Variants in GABRA2 observed in about 807,000 individuals in gnomAD.
GABRA2 encodes gamma-aminobutyric acid type A receptor subunit alpha2, also known as gamma-aminobutyric acid receptor subunit alpha-2.
Under a neutral mutation model 48.7 loss-of-function variants are expected in GABRA2, and 16 were observed. The observed-to-expected ratio is 0.33, with a 90% CI of 0.22 to 0.50. The LOEUF is 0.50. Ranked by LOEUF, GABRA2 falls within the 20% of genes least tolerant of loss-of-function variation. The pLI is 0.98. For missense variants in GABRA2, 275 were observed against 535.6 expected (o/e 0.51, Z 4.80); for synonymous variants, 185 against 184.5 (o/e 1.00, Z -0.02).
At chr4:46,315,139 G>GTTTT (rs35565335) in intron 4 of GABRA2, among the ~76,000 whole-genome samples, 2 of 140,712 alleles carry the variant, frequency 1.4e-5, no homozygotes, top group Admixed American at 7.1e-5. Flanking sequence ...GTCTGCATCT[G>GTTTT]TTTTTTTTTT....
At chr4:46,375,852 T>C (rs1400978416) in intron 3 of GABRA2, among the ~76,000 whole-genome samples, 3 of 152,218 alleles carry the variant, frequency 2.0e-5, no homozygotes, top group Non-Finnish European at 4.4e-5. Context: ...TTTAAAATAG[T>C]ACCCGGCAAA....
intron 9 of GABRA2, among the ~76,000 whole-genome samples, chr4:46,251,692 C>T (rs1256855064): frequency 1.3e-5 from 2 of 151,392 alleles, no homozygotes; most frequent in Admixed American, 6.6e-5. Context: ...TCATTCATAA[C>T]ACTCTAATTT....
chr4:46,380,635 T>C (rs1424480765), intron 3 of GABRA2, among the ~76,000 whole-genome samples: 1 of 152,074 alleles, frequency 6.6e-6, no homozygotes, highest in Non-Finnish European at 1.5e-5. Flanking sequence ...CAAGGAGAGG[T>C]TGAGCAATGT....
intron 8 of GABRA2, among the ~76,000 whole-genome samples, chr4:46,292,885 C>T (rs1307397727): frequency 6.6e-6 from 1 of 152,148 alleles, no homozygotes; most frequent in Non-Finnish European, 1.5e-5. Flanking sequence ...CCTGTAATTG[C>T]TCTTCTCTGT....
At chr4:46,370,145 A>G (rs185534866) in intron 3 of GABRA2, among the ~76,000 whole-genome samples, 2 of 152,184 alleles carry the variant, frequency 1.3e-5, no homozygotes, top group Non-Finnish European at 2.9e-5. Flanking sequence ...GTAGTGGATA[A>G]TCATAGAAAG....
intron 3 of GABRA2, among the ~76,000 whole-genome samples, chr4:46,382,749 C>T (rs1716934216): frequency 6.6e-6 from 1 of 152,060 alleles, no homozygotes; most frequent in Non-Finnish European, 1.5e-5. Context: ...AGAAAATATC[C>T]AGGCTCAAAA....
At chr4:46,339,201 C>T (rs1560548398) in intron 3 of GABRA2, among the ~76,000 whole-genome samples, 1 of 151,632 alleles carries the variant, frequency 6.6e-6, no homozygotes, top group African/African-American at 2.4e-5. Context: ...CACATGTGGC[C>T]ATTTAAATTA....
chr4:46,250,521 A>T lies in GABRA2; in HGVS notation c.1143T>A (p.Asp381Glu). 4 of 1,611,798 alleles carry T rather than the reference A, an allele frequency of 2.5e-6. No homozygotes were observed. Among genetic ancestry groups the T allele is most frequent in the Non-Finnish European group, 3.4e-6 (4 of 1,178,552 alleles). Residue 381 changes from aspartate to glutamate, a missense_variant, in exon 10 of 10, where the codon GAT becomes GAA. Physicochemically the swap from Asp to Glu is conservative, Grantham distance 45. This residue lies in a region of GABRA2 where 99 missense variants were observed against 124.3 expected (regional missense o/e 0.80). Transcript: ENST00000381620. ...VANYAPNLSK[D>E]PVLSTISKSA... ...TCTTGGAGATGGTGGAGAGAACTGGATCTTTTGAAAGATTCGGGGCATAAT... is the reference window on the plus strand; with the variant it reads ...TCTTGGAGATGGTGGAGAGAACTGGTTCTTTTGAAAGATTCGGGGCATAAT...
In GABRA2 at chr4:46,303,417, A is replaced by G. The variant is rs146105426; in HGVS notation, c.856+43T>C. ...GAGATAATGTTTTTGAAAGTATGCTATGAAACATAATGTGCTGTACTGCAA... is the reference window on the plus strand; with the variant it reads ...GAGATAATGTTTTTGAAAGTATGCTGTGAAACATAATGTGCTGTACTGCAA... On this transcript the variant is annotated intron_variant, in intron 8 of 9. Transcript: ENST00000381620. 4.0e-4 allele frequency: 614 copies of G among 1,533,026 alleles called. 2 individuals carry two copies. In the African/African-American group the frequency reaches 6.9e-3, roughly 17 times the overall value. 95.0% of individuals were successfully genotyped at this position (1,533,026 alleles called of 1,614,324 possible). A position where few individuals can be genotyped will look rare whatever the true frequency, so the allele number is the denominator to read the frequency against.
At chr4:46,335,544 G>C (rs1732079933) in intron 3 of GABRA2, among the ~76,000 whole-genome samples, 1 of 152,116 alleles carries the variant, frequency 6.6e-6, no homozygotes, top group Non-Finnish European at 1.5e-5. Flanking sequence ...TGCGATCTCA[G>C]CTCACCGCAA....
rs550993160 is a variant in GABRA2 at position 46,261,832 on chromosome 4, T to G, written c.1059+94A>C. On this transcript the variant is annotated intron_variant, in intron 9 of 9. Transcript: ENST00000381620. ...TGATTCAAATTCATATATATATGGA[T>G]GTCTTTAATGTCAGTTTTTAGAAAC... 11 of 958,974 alleles carry G rather than the reference T, an allele frequency of 1.1e-5. No homozygotes were observed. In the East Asian group the frequency reaches 1.5e-4, roughly 13 times the overall value. The allele number at this position is 958,974 out of a possible 1,614,324, so 59.4% of individuals were successfully genotyped here.
intron 3 of GABRA2, among the ~76,000 whole-genome samples, chr4:46,334,485 T>C (rs536328795): frequency 6.6e-6 from 1 of 152,304 alleles, no homozygotes; most frequent in East Asian, 1.9e-4. Flanking sequence ...AATTAAAATG[T>C]GAAGGTAGCT....
rs1718001547 is a variant in GABRA2 at position 46,389,829 on chromosome 4, G to GAC, written c.-106_-105insGT. The GAC allele has an allele frequency of 1.0e-6, 1 of 959,806 alleles. No individual in the cohort carries two copies. The highest frequency in any genetic ancestry group is 6.9e-5 in the Admixed American group (1 of 14,414). The allele number at this position is 959,806 out of a possible 1,614,324, so 59.5% of individuals were successfully genotyped here. A position where few individuals can be genotyped will look rare whatever the true frequency, so the allele number is the denominator to read the frequency against. ...AGAGAGAGAGAGAGAGAGAGAGAGA[G>GAC]AGAGAGAGAGAGAGAGAGAGAGAGA... On this transcript the variant is annotated 5_prime_UTR_variant, in exon 1 of 10. Coordinates refer to ENST00000381620, the MANE Select transcript of GABRA2 (RefSeq NM_000807.4).
intron 3 of GABRA2, among the ~76,000 whole-genome samples, chr4:46,363,245 G>T (rs1269942822): frequency 2.0e-5 from 3 of 152,162 alleles, no homozygotes; most frequent in Admixed American, 2.0e-4. Context: ...AAGAAATAAA[G>T]TGGCCGGGGG....
intron 3 of GABRA2, among the ~76,000 whole-genome samples, chr4:46,374,212 C>G (rs1431348798): frequency 6.6e-6 from 1 of 152,136 alleles, no homozygotes; most frequent in Non-Finnish European, 1.5e-5. Flanking sequence ...AGTAACTCAG[C>G]ATCTTTTGCA....
intron 3 of GABRA2, among the ~76,000 whole-genome samples, chr4:46,376,266 T>G (rs894681395): frequency 5.3e-5 from 8 of 152,234 alleles, no homozygotes; most frequent in African/African-American, 1.4e-4. Context: ...CTATCTTCAC[T>G]ACCAATATAG....
chr4:46,389,084 A>G, intron 1 of GABRA2: 1 of 1,017,280 alleles, frequency 9.8e-7, no homozygotes, highest in Non-Finnish European at 1.2e-6. Flanking sequence ...GCAGCTGGAA[A>G]GGGAATGGGT....
chr4:46,372,754 T>C (rs1459456058), intron 3 of GABRA2, among the ~76,000 whole-genome samples: 4 of 152,276 alleles, frequency 2.6e-5, no homozygotes, highest in South Asian at 2.1e-4. Flanking sequence ...ACTCACGGTA[T>C]AAAAAGCCAC....
rs1299363188 is a variant in GABRA2 at position 46,389,837 on chromosome 4, GA to G, written c.-114del. The G allele has an allele frequency of 4.1e-6, 4 of 974,614 alleles. No homozygotes were observed. The African/African-American group carries it at 7.4e-5, about 18-fold the overall frequency. The allele number at this position is 974,614 out of a possible 1,614,324, so 60.4% of individuals were successfully genotyped here. On this transcript the variant is annotated 5_prime_UTR_variant, in exon 1 of 10. Transcript: ENST00000381620. ...AGAGAGAGAGAGAGAGAGAGAGAGA[GA>G]GAGAGAGAGAGAGAGAGAGAGAGAC...
Sources: gnomAD v4.1 joint callset for allele counts (sites outside exome capture counted in the v4.1 genomes callset) on GRCh38, gnomAD v4.1.1 for gene constraint, gnomAD v4.1.1 regional missense constraint, MANE v1.5 for transcripts, NCBI Gene and HGNC (gene_info 2026-07-23, HGNC 2026-07-21) for gene names.